The following BLTP1 variants were observed in gnomAD, a reference collection of about 807,000 sequenced individuals.
BLTP1 encodes the protein fragile site-associated protein.
the BLTP1 span, chr4:122,308,012 T>C: frequency 6.2e-7 from 1 of 1,613,430 alleles, no homozygotes; most frequent in Non-Finnish European, 8.5e-7. Context: ...CGAATGGCTT[T>C]ACATAAGGAT....
At chr4:122,359,005 A>C in the BLTP1 span, among the ~76,000 whole-genome samples, 18 of 152,074 alleles carry the variant, frequency 1.2e-4, no homozygotes, top group Middle Eastern at 6.8e-3. Context: ...AGCCATTAGC[A>C]TACAAAAACC....
chr4:122,330,783 G>C, the BLTP1 span: 1 of 154,292 alleles, frequency 6.5e-6, no homozygotes, highest in South Asian at 2.1e-4. Flanking sequence ...TCATTGCCAA[G>C]ACCAGTGTTA....
chr4:122,199,933 A>G, the BLTP1 span: 2 of 977,930 alleles, frequency 2.0e-6, no homozygotes, highest in Non-Finnish European at 2.4e-6. Context: ...GTAAATGCCC[A>G]TGATTAAAAT....
At chr4:122,199,173 C>T in the BLTP1 span, 32 of 293,216 alleles carry the variant, frequency 1.1e-4, no homozygotes, top group Non-Finnish European at 1.0e-5. Flanking sequence ...AACTTTGTTC[C>T]TTTAGAACAT....
At chr4:122,305,055 T>C in the BLTP1 span, 1 of 1,353,102 alleles carries the variant, frequency 7.4e-7, no homozygotes, top group Admixed American at 2.7e-5. Context: ...CTACTGTAAC[T>C]TATGTATTAT....
At chr4:122,183,207 G>GT in the BLTP1 span, 1 of 352,338 alleles carries the variant, frequency 2.8e-6, no homozygotes, top group African/African-American at 2.2e-5. Context: ...ATGGTGACAC[G>GT]TGCCTGGGGT....
the BLTP1 span, chr4:122,210,980 C>T: frequency 1.2e-6 from 2 of 1,613,018 alleles, no homozygotes; most frequent in Non-Finnish European, 8.5e-7. Flanking sequence ...TCTTCACGCC[C>T]ACCTATTGAT....
At chr4:122,253,786 A>G in the BLTP1 span, among the ~76,000 whole-genome samples, 8 of 152,208 alleles carry the variant, frequency 5.3e-5, no homozygotes, top group African/African-American at 1.9e-4. Flanking sequence ...ATCAATATTC[A>G]AGTACAAGAA....
the BLTP1 span, chr4:122,339,199 A>C: frequency 6.2e-7 from 1 of 1,610,416 alleles, no homozygotes; most frequent in African/African-American, 1.3e-5. Flanking sequence ...GCTGTCTGTT[A>C]TTTTTAGCCC....
chr4:122,276,019 T>C, the BLTP1 span: 1 of 1,588,136 alleles, frequency 6.3e-7, no homozygotes, highest in Non-Finnish European at 8.6e-7. Context: ...AAACAAGAGT[T>C]TCTGTATGTC....
At chr4:122,344,627 TA>T in the BLTP1 span, 4 of 1,279,208 alleles carry the variant, frequency 3.1e-6, no homozygotes, top group Admixed American at 7.4e-5. Flanking sequence ...GCCTCTGTTT[TA>T]ATAGTGTTTA....
chr4:122,352,355 C>CT, the BLTP1 span, among the ~76,000 whole-genome samples: 4,824 of 111,614 alleles, frequency 0.043, 308 homozygotes, highest in African/African-American at 0.12. Context: ...TTTGGTTTTT[C>CT]TTTTTTTTTT....
chr4:122,187,765 G>A, the BLTP1 span: 75 of 1,088,844 alleles, frequency 6.9e-5, no homozygotes, highest in East Asian at 1.8e-3. Flanking sequence ...AGTTTAAATA[G>A]CACATAGTCC....
At chr4:122,359,781 T>TA in the BLTP1 span, 7 of 1,523,832 alleles carry the variant, frequency 4.6e-6, no homozygotes, top group Non-Finnish European at 6.1e-6. Flanking sequence ...AGCAAAAAGT[T>TA]ATGAATAATG....
chr4:122,174,685 G>T, the BLTP1 span: 1,847 of 1,383,340 alleles, frequency 1.3e-3, 13 homozygotes, highest in African/African-American at 0.024. Context: ...AAGGACCCAT[G>T]TTAAACATAC....
At chr4:122,328,527 G>T in the BLTP1 span, 1 of 506,422 alleles carries the variant, frequency 2.0e-6, no homozygotes, top group Non-Finnish European at 2.5e-6. Flanking sequence ...TTATCACATG[G>T]TTTATTGTGA....
chr4:122,219,130 T>C, the BLTP1 span: 1 of 984,646 alleles, frequency 1.0e-6, no homozygotes, highest in African/African-American at 1.7e-5. Context: ...TCTGTAACTT[T>C]TTGCATTTTT....
the BLTP1 span, chr4:122,286,695 T>G: frequency 2.5e-6 from 4 of 1,613,690 alleles, no homozygotes; most frequent in East Asian, 8.9e-5. Context: ...AAGAACATGA[T>G]AGTTATTCGG....
At chr4:122,242,942 A>C in the BLTP1 span, 3 of 1,039,824 alleles carry the variant, frequency 2.9e-6, no homozygotes, top group Non-Finnish European at 4.4e-6. Flanking sequence ...ATCAGTTGAT[A>C]TCATAAAATT....
Sources: allele counts gnomAD v4.1 joint callset (sites outside exome capture counted in the v4.1 genomes callset), GRCh38; gene constraint gnomAD v4.1.1; transcripts MANE v1.5; gene names NCBI Gene and HGNC (gene_info 2026-07-23, HGNC 2026-07-21).